The following TMC1 variants were observed in gnomAD, a reference collection of about 807,000 sequenced individuals.
TMC1 encodes the protein transmembrane channel-like protein 1.
Under a neutral mutation model 105.8 loss-of-function variants are expected in TMC1, and 84 were observed. That is an observed-to-expected ratio of 0.79 (90% CI 0.67 to 0.95). TMC1 has a LOEUF of 0.95. Among genes scored for constraint, TMC1 ranks in the 40% least tolerant of loss-of-function variants. The pLI is 0.00. For synonymous variants in TMC1, 315 were observed against 311.5 expected (o/e 1.01, Z -0.12); for missense variants, 817 against 914.1 (o/e 0.89, Z 1.37).
At chr9:72,723,408 G>A (rs2117954335) in intron 8 of TMC1, among the ~76,000 whole-genome samples, 1 of 152,260 alleles carries the variant, frequency 6.6e-6, no homozygotes, top group South Asian at 2.1e-4. Flanking sequence ...ATTCACATTA[G>A]AGTTGATCTA....
At chr9:72,547,219 G>T (rs371570194) in intron 1 of TMC1, among the ~76,000 whole-genome samples, 1 of 151,348 alleles carries the variant, frequency 6.6e-6, no homozygotes, top group African/African-American at 2.4e-5. Flanking sequence ...CCTGGGAGGC[G>T]GAGGTTGCAG....
chr9:72,673,834 C>G (rs1391304323), intron 5 of TMC1, among the ~76,000 whole-genome samples: 2 of 152,050 alleles, frequency 1.3e-5, no homozygotes, highest in African/African-American at 4.8e-5. Flanking sequence ...GAGAATTGTA[C>G]CCAATATTTA....
chr9:72,575,339 C>G (rs969282050), intron 1 of TMC1, among the ~76,000 whole-genome samples: 9 of 152,018 alleles, frequency 5.9e-5, no homozygotes, highest in Non-Finnish European at 1.0e-4. Flanking sequence ...CACCACCAAG[C>G]CCGGCTAATT....
At chr9:72,723,944 A>G (rs1166239144) in intron 8 of TMC1, among the ~76,000 whole-genome samples, 1 of 152,180 alleles carries the variant, frequency 6.6e-6, no homozygotes. Context: ...TTGTGGAGGC[A>G]TTTATTACTC....
chr9:72,810,195 G>C (rs763352411), intron 18 of TMC1, among the ~76,000 whole-genome samples: 3 of 141,814 alleles, frequency 2.1e-5, no homozygotes, highest in Non-Finnish European at 3.1e-5. Flanking sequence ...AGGCTAATAA[G>C]AATGTTTCTC....
At position 72,754,846 on chromosome 9, in the gene TMC1, G is replaced by T. The variant is rs200831684; in HGVS notation, c.703G>T (p.Ala235Ser). ...GAAAACCGTTCCCAGAGCCGAAGAG[G>T]CATCGGCAGCAAACTTTGGTGTGTT... ...PRKTVPRAEEASAANFGVLYD... is the reference protein window; with the variant it reads ...PRKTVPRAEESSAANFGVLYD... Residue 235 changes from alanine to serine, a missense_variant, in exon 12 of 24, where the codon GCA becomes TCA. Physicochemically the swap from Ala to Ser is moderately conservative, Grantham distance 99 (BLOSUM62 1). Coordinates refer to ENST00000297784, the MANE Select transcript of TMC1 (RefSeq NM_138691.3). 2.5e-4 allele frequency: 404 copies of T among 1,614,128 alleles called. 2 individuals carry two copies. In the Middle Eastern group the frequency reaches 2.6e-3, roughly 11 times the overall value.
intron 8 of TMC1, among the ~76,000 whole-genome samples, chr9:72,736,083 TA>T (rs1324467231): frequency 6.6e-6 from 1 of 152,086 alleles, no homozygotes; most frequent in African/African-American, 2.4e-5. Flanking sequence ...GATTATGTAA[TA>T]GATAATAGAG....
chr9:72,791,842 T>C lies in TMC1; in HGVS notation c.1225-44T>C, dbSNP rs1349862694. ...AATTCTGGCAAAAAGCAATAATAAC[T>C]TTAAACACCATTAACCTAGTTTCTC... is the stretch of plus-strand genomic sequence containing the variant. On this transcript the variant is annotated intron_variant, in intron 15 of 23. Transcript: ENST00000297784. 2.6e-6 allele frequency: 4 copies of C among 1,565,280 alleles called. No homozygotes were observed. The Admixed American group carries it at 6.7e-5, about 26-fold the overall frequency.
intron 8 of TMC1, among the ~76,000 whole-genome samples, chr9:72,735,869 G>T (rs1827289620): frequency 6.6e-6 from 1 of 152,072 alleles, no homozygotes; most frequent in Non-Finnish European, 1.5e-5. Flanking sequence ...CTGCCCCCTG[G>T]CTTTATTTTA....
chr9:72,677,469 C>T lies in TMC1; in HGVS notation c.17-11240C>T, dbSNP rs540642332. Reference sequence around the variant, plus strand: ...CACAGACACACCCAGAATAATCTTTCACCAAATATCTAGGCACTTTGGCCC... The same window carrying T: ...CACAGACACACCCAGAATAATCTTTTACCAAATATCTAGGCACTTTGGCCC... On this transcript the variant is annotated intron_variant, in intron 5 of 23. Coordinates refer to ENST00000297784, the MANE Select transcript of TMC1 (RefSeq NM_138691.3). Among the ~76,000 whole-genome samples the T allele has an allele frequency of 3.3e-5, 5 of 152,246 alleles. No individual in the cohort carries two copies. The South Asian group carries it at 1.0e-3, about 32-fold the overall frequency.
chr9:72,819,754 C>G (rs1333457871), intron 19 of TMC1, among the ~76,000 whole-genome samples: 3 of 152,170 alleles, frequency 2.0e-5, no homozygotes, highest in Non-Finnish European at 4.4e-5. Context: ...AACAACTATT[C>G]AGGGAGTACA....
intron 2 of TMC1, among the ~76,000 whole-genome samples, chr9:72,591,601 C>A (rs947874107): frequency 6.6e-6 from 1 of 152,144 alleles, no homozygotes; most frequent in Non-Finnish European, 1.5e-5. Context: ...CACACTGTTG[C>A]GTAGGCTAGA....
intron 1 of TMC1, among the ~76,000 whole-genome samples, chr9:72,558,189 T>C (rs1366806450): frequency 6.6e-6 from 1 of 152,182 alleles, no homozygotes; most frequent in Admixed American, 6.6e-5. Context: ...TCTCTCTTTC[T>C]GTCTCCATAA....
intron 18 of TMC1, among the ~76,000 whole-genome samples, chr9:72,807,441 G>A (rs1000640922): frequency 1.3e-5 from 2 of 152,148 alleles, no homozygotes; most frequent in Non-Finnish European, 2.9e-5. Flanking sequence ...GTTCAGACTC[G>A]AGTATCATGG....
chr9:72,655,713 GC>G, intron 5 of TMC1: 1 of 428,120 alleles, frequency 2.3e-6, no homozygotes, highest in East Asian at 4.6e-5. Context: ...CTGCACTCCA[GC>G]CCGGGCGACA....
intron 7 of TMC1, 47 bp from the exon 8 acceptor site, chr9:72,700,471 C>T (rs1826623922): frequency 6.7e-7 from 1 of 1,498,296 alleles, no homozygotes; most frequent in African/African-American, 1.4e-5. Context: ...GTTCCAAAGT[C>T]AAGCAAAGCT....
chr9:72,731,422 A>G (rs1402310070), intron 8 of TMC1, among the ~76,000 whole-genome samples: 2 of 152,152 alleles, frequency 1.3e-5, no homozygotes, highest in Admixed American at 6.5e-5. Context: ...GCCTAACTCT[A>G]GAACTGAAGA....
chr9:72,806,077 G>T (rs1828571836), intron 18 of TMC1, among the ~76,000 whole-genome samples: 1 of 152,018 alleles, frequency 6.6e-6, no homozygotes, highest in South Asian at 2.1e-4. Flanking sequence ...CCCAGACGGG[G>T]TGGTGGCCGG....
chr9:72,606,277 A>G (rs2132115734), intron 2 of TMC1, among the ~76,000 whole-genome samples: 1 of 152,340 alleles, frequency 6.6e-6, no homozygotes, highest in South Asian at 2.1e-4. Context: ...ACCTAATGAC[A>G]TAGCAGCTGG....
Sources: gnomAD v4.1 joint callset for allele counts (sites outside exome capture counted in the v4.1 genomes callset) on GRCh38, gnomAD v4.1.1 for gene constraint, MANE v1.5 for transcripts, NCBI Gene and HGNC (gene_info 2026-07-23, HGNC 2026-07-21) for gene names.